Variants in CYP26A1 observed in about 807,000 individuals in gnomAD.
CYP26A1 encodes cytochrome P450 26A1.
Under a neutral mutation model 47.4 loss-of-function variants are expected in CYP26A1, and 46 were observed. That is an observed-to-expected ratio of 0.97 (90% confidence interval 0.77 to 1.24). The LOEUF (loss-of-function observed/expected upper bound fraction) is 1.24, where lower values mean the gene tolerates loss of function less well. Among genes scored for constraint, CYP26A1 ranks in the 50% most tolerant of loss-of-function variants. The probability of loss-of-function intolerance (pLI) is 0.00; values close to 1 mark genes in which losing one functional copy is unlikely to be tolerated. For missense variants in CYP26A1, 680 were observed against 644.4 expected (o/e 1.06, Z -0.60); for synonymous variants, 277 against 263.7 (o/e 1.05, Z -0.49).
rs756554831 is a variant in CYP26A1, at chr10:93,076,696, T to C, written c.1152T>C (p.Asn384=). 6.3e-7 allele frequency: 1 copy of C among 1,595,328 alleles called. No homozygotes were observed. The highest frequency in any genetic ancestry group is 8.5e-7 in the Non-Finnish European group (1 of 1,171,944). ...TTGCTCTGAAGACTTTTGAATTAAA[T>C]GTAAGTTAAAATTCTCTTCTTTCTC... The part of the protein sequence containing the change: ...FRVALKTFEL[N]GYQIPKGWNV... Residue 384 remains asparagine, a splice_region_variant and synonymous_variant, in exon 6 of 7, where the codon AAT becomes AAC. Transcript: ENST00000224356.
In CYP26A1 at chr10:93,074,770, G is replaced by C; in HGVS notation, c.415-9G>C. 6.3e-7 allele frequency: 1 copy of C among 1,595,554 alleles called. No homozygotes were observed. The highest frequency in any genetic ancestry group is 1.1e-5 in the South Asian group (1 of 90,348). Reference sequence around the variant, plus strand: ...AGGCTTTTAACGCTGTCCCCTCCTCGGGACTCAGGTGATTATGCGGGCCTT... The same window carrying C: ...AGGCTTTTAACGCTGTCCCCTCCTCCGGACTCAGGTGATTATGCGGGCCTT... On this transcript the variant is annotated splice_polypyrimidine_tract_variant and intron_variant, in intron 2 of 6. Transcript: ENST00000224356. The surrounding 1 kb of genome is among the most constrained non-coding windows in gnomAD (Gnocchi z 5.3).
chr10:93,077,231 T>A lies in CYP26A1; in HGVS notation c.1421T>A (p.Met474Lys). 6.2e-7 allele frequency: 1 copy of A among 1,605,424 alleles called. No homozygotes were observed. The highest frequency in any genetic ancestry group is 8.5e-7 in the Non-Finnish European group (1 of 1,173,830). Residue 474 changes from methionine (M) to lysine (K), a missense_variant, in exon 7 of 7, where the codon ATG becomes AAG. Physicochemically the swap from Met to Lys is moderately conservative, Grantham distance 95. Coordinates refer to ENST00000224356, the MANE Select transcript of CYP26A1 (RefSeq NM_000783.4). Reference sequence around the variant, plus strand: ...CAGCTTCTAAATGGACCTCCTACAATGAAAACCAGTCCCACCGTGTATCCT... The same window carrying A: ...CAGCTTCTAAATGGACCTCCTACAAAGAAAACCAGTCCCACCGTGTATCCT... ...DWQLLNGPPT[M>K]KTSPTVYPVD...
rs1170811865 is a variant in CYP26A1 at position 93,075,885 on chromosome 10, A to T, written c.924A>T (p.Ala308=). ...GAGGACACGAAACCACGGCCAGTGC[A>T]GCCACATCTCTGATCACTTACCTGG... ...LFGGHETTAS[A]ATSLITYLGL... is the part of the protein sequence containing the mutation. The change falls in exon 5 of 7, where the codon GCA becomes GCT. Residue 308 remains alanine, a synonymous_variant. Transcript: ENST00000224356. 6.2e-7 allele frequency: 1 copy of T among 1,611,004 alleles called. No homozygotes were observed. Among genetic ancestry groups the T allele is most frequent in the Non-Finnish European group, 8.5e-7 (1 of 1,177,126 alleles).
At chr10:93,076,340 C>A in intron 5 of CYP26A1, 1 of 533,728 alleles carries the variant, frequency 1.9e-6, no homozygotes, top group Non-Finnish European at 3.3e-6. Context: ...GTCCTTCTAA[C>A]TGGTGAGCAG....
rs1233250117 is a variant in CYP26A1 at position 93,074,701 on chromosome 10, G to C, written c.415-78G>C. ...GAGTGCCATGTGTCTGGCAGGACTG[G>C]GGGTGTCTGGAAGGGGACGGCGGTA... On this transcript the variant is annotated intron_variant, in intron 2 of 6. Coordinates refer to ENST00000224356, the MANE Select transcript of CYP26A1 (RefSeq NM_000783.4). The surrounding 1 kb of genome is among the most constrained non-coding windows in gnomAD (Gnocchi z 5.3). The C allele has an allele frequency of 3.1e-6, 4 of 1,285,626 alleles. No individual in the cohort carries two copies. The highest frequency in any genetic ancestry group is 4.4e-6 in the Non-Finnish European group (4 of 914,124). 79.6% of individuals were successfully genotyped at this position (1,285,626 alleles called of 1,614,324 possible). A position where few individuals can be genotyped will look rare whatever the true frequency, so the allele number is the denominator to read the frequency against.
Position 93,074,275 on chromosome 10 carries a change from T to G in CYP26A1, c.190-33T>G. Reference sequence around the variant, plus strand: ...CGCGGCGCTCCCCGGCGCCCCCTCATGCCCACTTCTCTCCTCCGCCTTCCT... The same window carrying G: ...CGCGGCGCTCCCCGGCGCCCCCTCAGGCCCACTTCTCTCCTCCGCCTTCCT... On this transcript the variant is annotated intron_variant, in intron 1 of 6. Transcript: ENST00000224356. The surrounding 1 kb of genome is among the most constrained non-coding windows in gnomAD (Gnocchi z 5.3). 1 of 1,537,072 alleles carries G rather than the reference T, an allele frequency of 6.5e-7. No individual in the cohort carries two copies. Among genetic ancestry groups the G allele is most frequent in the Admixed American group, 1.7e-5 (1 of 59,534 alleles).
Position 93,074,560 on chromosome 10 carries a change from G to A in CYP26A1, c.414+28G>A. 2 of 1,409,120 alleles carry A rather than the reference G, an allele frequency of 1.4e-6. No homozygotes were observed. Among genetic ancestry groups the A allele is most frequent in the Non-Finnish European group, 2.0e-6 (2 of 994,098 alleles). The allele number at this position is 1,409,120 out of a possible 1,614,324, so 87.3% of individuals were successfully genotyped here. ...GGGGGCAGGAGGCGACGGCTGGACA[G>A]GGAGGGGGACCCCATTTATGAGCGG... On this transcript the variant is annotated intron_variant, in intron 2 of 6. Coordinates refer to ENST00000224356, the MANE Select transcript of CYP26A1 (RefSeq NM_000783.4). The surrounding 1 kb of genome is among the most constrained non-coding windows in gnomAD (Gnocchi z 5.3).
Position 93,074,130 on chromosome 10 carries a change from G to T in CYP26A1, c.189+7G>T. 1 of 1,502,002 alleles carries T rather than the reference G, an allele frequency of 6.7e-7. No homozygotes were observed. Among genetic ancestry groups the T allele is most frequent in the Non-Finnish European group, 9.1e-7 (1 of 1,104,766 alleles). 93.0% of individuals were successfully genotyped at this position (1,502,002 alleles called of 1,614,324 possible). A position where few individuals can be genotyped will look rare whatever the true frequency, so the allele number is the denominator to read the frequency against. ...CTTGCAGATGGTACTGCAGGTAAGG[G>T]AGGGTGGGGCGGGACAGGCTGCTTC... On this transcript the variant is annotated splice_region_variant and intron_variant, in intron 1 of 6. Transcript: ENST00000224356. The surrounding 1 kb of genome is among the most constrained non-coding windows in gnomAD (Gnocchi z 5.3).
chr10:93,075,415 G>A, intron 4 of CYP26A1, 108 bp downstream of exon 4: 1 of 1,035,488 alleles, frequency 9.7e-7, no homozygotes, highest in Admixed American at 2.3e-5. Flanking sequence ...TTTCTGGAGT[G>A]GGCGGCCGGC....
At chr10:93,073,757 G>T, upstream of CYP26A1, 1 of 568,752 alleles carries the variant, frequency 1.8e-6, no homozygotes, top group Non-Finnish European at 3.1e-6. Flanking sequence ...ATTTTGGGCA[G>T]CGCCTCGCGG....
At chr10:93,075,521 C>A in intron 4 of CYP26A1, 1 of 604,556 alleles carries the variant, frequency 1.7e-6, no homozygotes, top group Non-Finnish European at 2.9e-6. Flanking sequence ...ATCCCCTAGC[C>A]TTTCCAGGTT....
chr10:93,074,041 G>T lies in CYP26A1; in HGVS notation c.107G>T (p.Arg36Leu). Residue 36 changes from arginine to leucine, a missense_variant, in exon 1 of 7, where the codon CGC becomes CTC. Coordinates refer to ENST00000224356, the MANE Select transcript of CYP26A1 (RefSeq NM_000783.4). This position sits in a 1 kb window ranked among gnomAD's most constrained non-coding sequence, Gnocchi z 5.3. ...KLWDLYCVSG[R>L]DRSCALPLPP... ...TGGGACCTGTACTGCGTGAGCGGCCGCGACCGCAGTTGTGCCCTCCCATTG... is the reference window on the plus strand; with the variant it reads ...TGGGACCTGTACTGCGTGAGCGGCCTCGACCGCAGTTGTGCCCTCCCATTG... The T allele has an allele frequency of 6.2e-7, 1 of 1,607,946 alleles. No individual in the cohort carries two copies. The highest frequency in any genetic ancestry group is 2.2e-5 in the East Asian group (1 of 44,610).
Position 93,074,081 on chromosome 10 carries a change from G to T in CYP26A1, c.147G>T (p.Met49Ile). 6.3e-7 allele frequency: 1 copy of T among 1,586,238 alleles called. No homozygotes were observed. Among genetic ancestry groups the T allele is most frequent in the Non-Finnish European group, 8.6e-7 (1 of 1,163,430 alleles). Residue 49 changes from methionine (M) to isoleucine (I), a missense_variant, in exon 1 of 7, where the codon ATG becomes ATT. By Grantham distance (10) the Met-to-Ile change is conservative (BLOSUM62 1). Transcript: ENST00000224356. This position sits in a 1 kb window ranked among gnomAD's most constrained non-coding sequence, Gnocchi z 5.3. ...SCALPLPPGT[M>I]GFPFFGETLQ... ...CCCTCCCATTGCCCCCCGGGACTATGGGCTTCCCCTTCTTTGGGGAAACCT... is the reference window on the plus strand; with the variant it reads ...CCCTCCCATTGCCCCCCGGGACTATTGGCTTCCCCTTCTTTGGGGAAACCT...
chr10:93,074,650 C>T lies in CYP26A1; in HGVS notation c.414+118C>T, dbSNP rs1052605589. Reference sequence around the variant, plus strand: ...GAGGTGGGCTAGGACCCTCTGCCAGCTCCAGGTTAGCTTTCCCAGCTCGGA... The same window carrying T: ...GAGGTGGGCTAGGACCCTCTGCCAGTTCCAGGTTAGCTTTCCCAGCTCGGA... On this transcript the variant is annotated intron_variant, in intron 2 of 6. Coordinates refer to ENST00000224356, the MANE Select transcript of CYP26A1 (RefSeq NM_000783.4). The surrounding 1 kb of genome is among the most constrained non-coding windows in gnomAD (Gnocchi z 5.3). 2.4e-5 allele frequency: 26 copies of T among 1,071,024 alleles called. No homozygotes were observed. The Middle Eastern group carries it at 6.2e-4, about 26-fold the overall frequency. 66.3% of individuals were successfully genotyped at this position (1,071,024 alleles called of 1,614,324 possible).
In CYP26A1 at chr10:93,075,842, C is replaced by T. The variant is rs1846971056; in HGVS notation, c.881C>T (p.Ser294Leu). ...TATTCTTAGGCACTAAAGCAATCTT[C>T]AACCGAACTCCTCTTTGGAGGACAC... Reference protein sequence around the residue: ...RLDMQALKQSSTELLFGGHET... With the variant: ...RLDMQALKQSLTELLFGGHET... The change falls in exon 5 of 7, where the codon TCA (serine) becomes TTA (leucine). Residue 294 changes from serine to leucine, a missense_variant. Transcript: ENST00000224356. 1 of 1,611,968 alleles carries T rather than the reference C, an allele frequency of 6.2e-7. No individual in the cohort carries two copies. The highest frequency in any genetic ancestry group is 1.3e-5 in the African/African-American group (1 of 74,878).
In CYP26A1 at chr10:93,076,883, A is replaced by G. The variant is rs114797676; in HGVS notation, c.1153-80A>G. The stretch of plus-strand genomic sequence containing the variant: ...TTGCTTTTAGCTCATAATTTCCCCC[A>G]AAGATATCAGTGACTGCTTTTTGTT... On this transcript the variant is annotated intron_variant, in intron 6 of 6. Transcript: ENST00000224356. 3.2e-3 allele frequency: 3,459 copies of G among 1,094,268 alleles called. 80 individuals are homozygous for G. The African/African-American group carries it at 0.048, about 15-fold the overall frequency. 67.8% of individuals were successfully genotyped at this position (1,094,268 alleles called of 1,614,324 possible). A position where few individuals can be genotyped will look rare whatever the true frequency, so the allele number is the denominator to read the frequency against.
At position 93,075,656 on chromosome 10, in the gene CYP26A1, A is replaced by G. The variant is rs550478705; in HGVS notation, c.865-170A>G. 7 of 604,862 alleles carry G rather than the reference A, an allele frequency of 1.2e-5. No individual in the cohort carries two copies. In the Admixed American group the frequency reaches 2.0e-4, roughly 17 times the overall value. 37.5% of individuals were successfully genotyped at this position (604,862 alleles called of 1,614,324 possible). Reference sequence around the variant, plus strand: ...GTACTCGCCTTACTGCTCCAGCTGAACTAAAGGGACGTTGCATTTTGTTTA... The same window carrying G: ...GTACTCGCCTTACTGCTCCAGCTGAGCTAAAGGGACGTTGCATTTTGTTTA... On this transcript the variant is annotated intron_variant, in intron 4 of 6. Transcript: ENST00000224356.
intron 5 of CYP26A1, 177 bp from the exon 6 acceptor site, chr10:93,076,367 T>A (rs1846977278): frequency 1.7e-6 from 1 of 580,154 alleles, no homozygotes; most frequent in African/African-American, 1.9e-5. Flanking sequence ...CCTGGGATTG[T>A]AAATAGATAG....
Position 93,077,284 on chromosome 10 carries a change from C to T in CYP26A1, c.1474C>T (p.His492Tyr). Residue 492 changes from histidine to tyrosine, a missense_variant, in exon 7 of 7, where the codon CAT becomes TAT. By Grantham distance (83) the His-to-Tyr change is moderately conservative. Coordinates refer to ENST00000224356, the MANE Select transcript of CYP26A1 (RefSeq NM_000783.4). ...PVDNLPARFT[H>Y]FHGEI is the part of the protein sequence containing the mutation. Reference sequence around the variant, plus strand: ...GGACAATCTCCCTGCAAGATTCACCCATTTCCATGGGGAAATCTGATGAGC... The same window carrying T: ...GGACAATCTCCCTGCAAGATTCACCTATTTCCATGGGGAAATCTGATGAGC... The T allele has an allele frequency of 6.5e-7, 1 of 1,539,104 alleles. No individual in the cohort carries two copies. The highest frequency in any genetic ancestry group is 2.3e-5 in the East Asian group (1 of 44,054).
Sources: gnomAD v4.1 joint callset for allele counts on GRCh38, gnomAD v4.1.1 for gene constraint, Gnocchi (gnomAD v3.1) non-coding constraint, MANE v1.5 for transcripts, NCBI Gene and HGNC (gene_info 2026-07-23, HGNC 2026-07-21) for gene names.